Variants in MYO5B observed in about 807,000 individuals in gnomAD.
MYO5B encodes myosin VB.
MYO5B carries 143 observed loss-of-function variants against 229.3 expected under a neutral mutation model. The observed-to-expected ratio is 0.62, with a 90% CI of 0.54 to 0.72. The LOEUF (loss-of-function observed/expected upper bound fraction) is 0.72, where lower values mean the gene tolerates loss of function less well. Ranked by LOEUF, MYO5B falls within the 30% of genes least tolerant of loss-of-function variation. MYO5B has a pLI of 0.00. For missense variants in MYO5B, 2,321 were observed against 2,331.0 expected, an observed-to-expected ratio of 1.00 and a Z score of 0.09; for synonymous variants, 918 against 885.2, an observed-to-expected ratio of 1.04 and a Z score of -0.66.
chr18:49,995,845 A>G (rs1384415156), intron 5 of MYO5B, among the ~76,000 whole-genome samples: 3 of 152,222 alleles, frequency 2.0e-5, no homozygotes, highest in Admixed American at 1.3e-4. Context: ...GTGCCTCCTA[A>G]TGGAGGCCCA....
chr18:50,185,632 A>G (rs2033137849), intron 1 of MYO5B, among the ~76,000 whole-genome samples: 1 of 152,248 alleles, frequency 6.6e-6, no homozygotes, highest in South Asian at 2.1e-4. Context: ...TATTAAAAAA[A>G]TCACTTGAAC....
chr18:50,103,391 T>C (rs1319522492), intron 1 of MYO5B, among the ~76,000 whole-genome samples: 2 of 152,200 alleles, frequency 1.3e-5, no homozygotes, highest in African/African-American at 2.4e-5. Flanking sequence ...CTTGTGCTTG[T>C]TCAAAATCCC....
intron 2 of MYO5B, among the ~76,000 whole-genome samples, chr18:50,043,422 T>TATATTTAAATATATTAAATATTAA (rs2030107569): frequency 2.5e-5 from 3 of 117,840 alleles, no homozygotes; most frequent in African/African-American, 1.0e-4. Flanking sequence ...AATATTTAAA[T>TATATTTAAATATATTAAATATTAA]ATATTTAAAT....
intron 10 of MYO5B, among the ~76,000 whole-genome samples, chr18:49,967,863 G>GT (rs1474092617): frequency 6.6e-6 from 1 of 152,052 alleles, no homozygotes; most frequent in African/African-American, 2.4e-5. Flanking sequence ...CCCAGGACTA[G>GT]TTTTTTTAGA....
intron 23 of MYO5B, 102 bp downstream of exon 23, chr18:49,880,269 T>C: frequency 2.1e-6 from 2 of 962,228 alleles, no homozygotes; most frequent in Non-Finnish European, 3.4e-6. Flanking sequence ...TTCCCCACTG[T>C]AGCCTCTAGT....
chr18:49,847,340 C>A, intron 32 of MYO5B, 51 bp from the exon 33 acceptor site: 2 of 1,594,172 alleles, frequency 1.3e-6, no homozygotes, highest in Non-Finnish European at 1.7e-6. Flanking sequence ...AGCTGCAGGC[C>A]TGAGGGTAGC....
At chr18:49,933,495 C>G (rs182686573) in intron 16 of MYO5B, among the ~76,000 whole-genome samples, 2 of 152,196 alleles carry the variant, frequency 1.3e-5, no homozygotes, top group Admixed American at 1.3e-4. Flanking sequence ...GAGGAAAAAG[C>G]CTTTTGTATA....
At chr18:49,974,804 C>CACACACACAG (rs1555648486) in intron 9 of MYO5B, among the ~76,000 whole-genome samples, 189 bp from the exon 10 acceptor site, 1 of 149,006 alleles carries the variant, frequency 6.7e-6, no homozygotes, top group Non-Finnish European at 1.5e-5. Context: ...CACAGACACA[C>CACACACACAG]ACACACACAC....
rs529210038 is a variant in MYO5B, at chr18:49,837,236, TTC to T, written c.5138+279_5138+280del. On this transcript the variant is annotated intron_variant, in intron 37 of 39. Coordinates refer to ENST00000285039, the MANE Select transcript of MYO5B (RefSeq NM_001080467.3). ...TTCATGCCTCTTAACTCATTGAGTTTTCTCTCTGACCTATCTGCTTTGTATTC... is the reference window on the plus strand; with the variant it reads ...TTCATGCCTCTTAACTCATTGAGTTTTCTCTGACCTATCTGCTTTGTATTC... Among the ~76,000 whole-genome samples the T allele has an allele frequency of 1.8e-4, 28 of 152,368 alleles. No homozygotes were observed. In the East Asian group the frequency reaches 5.0e-3, roughly 27 times the overall value.
chr18:49,905,998 A>C (rs145138850), intron 19 of MYO5B, among the ~76,000 whole-genome samples: 2 of 152,332 alleles, frequency 1.3e-5, no homozygotes, highest in East Asian at 3.9e-4. Context: ...GGACCTTTGC[A>C]GCCCTAATCA....
intron 10 of MYO5B, chr18:49,969,612 A>C (rs2025665678): frequency 6.6e-6 from 1 of 152,206 alleles, no homozygotes; most frequent in South Asian, 2.1e-4. Context: ...CAAGACGCCA[A>C]GAACCTGGAC....
intron 1 of MYO5B, among the ~76,000 whole-genome samples, chr18:50,150,511 T>G (rs1300687691): frequency 1.4e-5 from 2 of 148,082 alleles, no homozygotes; most frequent in South Asian, 4.4e-4. Flanking sequence ...CCATAAAAAA[T>G]GATGAGTTCA....
chr18:49,962,983 T>C lies in MYO5B; in HGVS notation c.1370A>G (p.Tyr457Cys), dbSNP rs1266136191. Residue 457 changes from tyrosine (Y) to cysteine (C), a missense_variant, in exon 11 of 40, where the codon TAT (tyrosine) becomes TGT (cysteine). Around this residue, in one of 2 missense-constraint regions of MYO5B, gnomAD observed 2,113 missense variants for 2,044.7 expected, o/e 1.03. Coordinates refer to ENST00000285039, the MANE Select transcript of MYO5B (RefSeq NM_001080467.3). ...VNSFEQFCIN[Y>C]ANEKLQQQFN... The stretch of plus-strand genomic sequence containing the variant: ...CTGCTGCTGGAGCTTTTCATTTGCA[T>C]AGTTGATACAGAACTGCTCAAAGCT... 1.9e-6 allele frequency: 3 copies of C among 1,614,000 alleles called. No homozygotes were observed. Among genetic ancestry groups the C allele is most frequent in the Non-Finnish European group, 2.5e-6 (3 of 1,179,990 alleles).
chr18:50,095,343 A>C (rs2031530311), intron 1 of MYO5B, among the ~76,000 whole-genome samples: 2 of 152,152 alleles, frequency 1.3e-5, no homozygotes, highest in African/African-American at 4.8e-5. Context: ...AATTCCCTGC[A>C]TTTCCCTCCT....
chr18:49,857,329 A>G, intron 29 of MYO5B, among the ~76,000 whole-genome samples: 1 of 152,100 alleles, frequency 6.6e-6, no homozygotes, highest in East Asian at 1.9e-4. Context: ...GGAGGAGAGA[A>G]CCCTAAGTGT....
At chr18:49,979,360 T>C (rs1598927809) in intron 9 of MYO5B, among the ~76,000 whole-genome samples, 1 of 152,322 alleles carries the variant, frequency 6.6e-6, no homozygotes, top group Admixed American at 6.5e-5. Flanking sequence ...ATGCCAGGGA[T>C]GGCAGCAGGC....
intron 17 of MYO5B, among the ~76,000 whole-genome samples, chr18:49,929,254 T>C (rs549302585): frequency 6.6e-6 from 1 of 152,190 alleles, no homozygotes; most frequent in Non-Finnish European, 1.5e-5. Context: ...GCTCATCACT[T>C]AGACCAACAC....
chr18:50,136,855 A>G (rs2032344094), intron 1 of MYO5B, among the ~76,000 whole-genome samples: 1 of 152,202 alleles, frequency 6.6e-6, no homozygotes, highest in Non-Finnish European at 1.5e-5. Context: ...TCAATAAATT[A>G]CCATTAGCCC....
At chr18:50,043,299 A>AC (rs1568083160) in intron 2 of MYO5B, among the ~76,000 whole-genome samples, 2 of 113,188 alleles carry the variant, frequency 1.8e-5, no homozygotes, top group African/African-American at 7.3e-5. Flanking sequence ...TATTATATAT[A>AC]ATATATAATA....
Sources: gnomAD v4.1 joint callset for allele counts (sites outside exome capture counted in the v4.1 genomes callset) on GRCh38, gnomAD v4.1.1 for gene constraint, gnomAD v4.1.1 regional missense constraint, MANE v1.5 for transcripts, NCBI Gene and HGNC (gene_info 2026-07-23, HGNC 2026-07-21) for gene names.